ARHGAP28: variants seen among roughly 807,000 people sequenced by gnomAD.
ARHGAP28 encodes Rho GTPase activating protein 28.
A neutral mutation model predicts 90.7 loss-of-function variants in ARHGAP28; 56 were observed. The ratio of observed to expected loss-of-function variants is 0.62; its 90% CI spans 0.50 to 0.77. The LOEUF (loss-of-function observed/expected upper bound fraction) is 0.77. ARHGAP28 is among the 30% of genes least tolerant of loss of function. The probability of loss-of-function intolerance (pLI) is 0.00; values close to 1 mark genes in which losing one functional copy is unlikely to be tolerated. For missense variants in ARHGAP28, 869 were observed against 900.9 expected (o/e 0.96, Z 0.45); for synonymous variants, 308 against 323.3 (o/e 0.95, Z 0.51).
chr18:6,750,247 A>G (rs547679771), intron 1 of ARHGAP28, among the ~76,000 whole-genome samples: 2 of 152,322 alleles, frequency 1.3e-5, no homozygotes, highest in Admixed American at 1.3e-4. Context: ...AGATTTAGAA[A>G]CTGAGATACA....
intron 1 of ARHGAP28, among the ~76,000 whole-genome samples, chr18:6,742,169 C>CT (rs554288921): frequency 0.029 from 4,070 of 138,694 alleles, 88 homozygotes; most frequent in Middle Eastern, 0.11. Context: ...TTTTCTTTTT[C>CT]TTTTTTTTTT....
chr18:6,794,494 T>C (rs1034024253), intron 1 of ARHGAP28, among the ~76,000 whole-genome samples: 3 of 152,362 alleles, frequency 2.0e-5, no homozygotes, highest in African/African-American at 7.2e-5. Flanking sequence ...TGCGCATTAC[T>C]GCTCTATCCC....
chr18:6,892,691 C>T (rs948060324), intron 14 of ARHGAP28, among the ~76,000 whole-genome samples: 1 of 152,208 alleles, frequency 6.6e-6, no homozygotes, highest in African/African-American at 2.4e-5. Flanking sequence ...CATGACTTTT[C>T]TCCTGAACTG....
chr18:6,906,099 A>G (rs1384017330), intron 16 of ARHGAP28, among the ~76,000 whole-genome samples: 2 of 152,152 alleles, frequency 1.3e-5, no homozygotes, highest in Non-Finnish European at 2.9e-5. Flanking sequence ...TTGAAAAAGA[A>G]AAATAAAGTA....
intron 1 of ARHGAP28, among the ~76,000 whole-genome samples, chr18:6,780,717 C>T (rs562402341): frequency 3.0e-4 from 45 of 152,166 alleles, no homozygotes; most frequent in African/African-American, 9.2e-4. Flanking sequence ...AGCAAAACCC[C>T]GTCTCTACTA....
chr18:6,774,806 A>G (rs538994961), intron 1 of ARHGAP28, among the ~76,000 whole-genome samples: 1 of 152,166 alleles, frequency 6.6e-6, no homozygotes, highest in Admixed American at 6.5e-5. Context: ...CCCTGGTCCT[A>G]CACCTATGGT....
intron 1 of ARHGAP28, among the ~76,000 whole-genome samples, chr18:6,821,781 C>T (rs985369843): frequency 6.6e-6 from 1 of 152,166 alleles, no homozygotes; most frequent in African/African-American, 2.4e-5. Context: ...TCCTCCCTGT[C>T]CCCAGCAGAG....
intron 1 of ARHGAP28, among the ~76,000 whole-genome samples, chr18:6,760,333 T>G (rs1382628007): frequency 1.3e-5 from 2 of 152,170 alleles, no homozygotes; most frequent in African/African-American, 4.8e-5. Flanking sequence ...CAAGATCCTC[T>G]TATCCTACAA....
At chr18:6,798,921 C>T (rs1370878786) in intron 1 of ARHGAP28, among the ~76,000 whole-genome samples, 1 of 152,174 alleles carries the variant, frequency 6.6e-6, no homozygotes, top group Non-Finnish European at 1.5e-5. Context: ...ATGCTAGACC[C>T]TGTGACAGAC....
chr18:6,781,157 G>A (rs1370630731), intron 1 of ARHGAP28, among the ~76,000 whole-genome samples: 1 of 152,128 alleles, frequency 6.6e-6, no homozygotes, highest in Non-Finnish European at 1.5e-5. Context: ...TTCTATTGCT[G>A]CTGGAAGCCA....
intron 2 of ARHGAP28, 82 bp downstream of exon 2, chr18:6,825,046 A>G (rs2056652541): frequency 1.6e-6 from 2 of 1,219,956 alleles, no homozygotes; most frequent in Non-Finnish European, 2.2e-6. Context: ...GGCAGAAATC[A>G]TCCCACCAAT....
At chr18:6,733,973 C>T (rs2055904965) in intron 1 of ARHGAP28, among the ~76,000 whole-genome samples, 4 of 152,140 alleles carry the variant, frequency 2.6e-5, no homozygotes, top group Admixed American at 2.6e-4. Flanking sequence ...CAGTGCATTT[C>T]TAGATCATGG....
chr18:6,839,448 C>T (rs755298915), intron 3 of ARHGAP28, among the ~76,000 whole-genome samples: 161 of 152,120 alleles, frequency 1.1e-3, no homozygotes, highest in Non-Finnish European at 9.4e-4. Context: ...CGCCAGCCAC[C>T]ACGCCTGGCT....
intron 2 of ARHGAP28, among the ~76,000 whole-genome samples, chr18:6,827,214 G>A (rs1040798239): frequency 6.6e-5 from 10 of 152,130 alleles, no homozygotes; most frequent in African/African-American, 2.2e-4. Flanking sequence ...ACACCTCCCA[G>A]ACAGGGTGGT....
intron 3 of ARHGAP28, among the ~76,000 whole-genome samples, chr18:6,839,163 A>C (rs549284283): frequency 1.3e-5 from 2 of 152,200 alleles, no homozygotes; most frequent in African/African-American, 4.8e-5. Flanking sequence ...AGGACAAGTA[A>C]CGTGTCTTGT....
intron 1 of ARHGAP28, among the ~76,000 whole-genome samples, chr18:6,784,132 G>A (rs1567946343): frequency 6.6e-6 from 1 of 152,044 alleles, no homozygotes; most frequent in African/African-American, 2.4e-5. Context: ...TGGAGATCCC[G>A]GGAGCCCAGT....
chr18:6,755,229 C>T (rs2056100136), intron 1 of ARHGAP28, among the ~76,000 whole-genome samples: 1 of 152,058 alleles, frequency 6.6e-6, no homozygotes, highest in Non-Finnish European at 1.5e-5. Flanking sequence ...TGGAAAAAGC[C>T]TAGATCTCCT....
intron 16 of ARHGAP28, among the ~76,000 whole-genome samples, chr18:6,904,098 T>C (rs1332131497): frequency 6.6e-6 from 1 of 151,936 alleles, no homozygotes; most frequent in Non-Finnish European, 1.5e-5. Context: ...CTGTAACATA[T>C]AAAATTATGT....
chr18:6,818,762 G>A (rs923214206), intron 1 of ARHGAP28, among the ~76,000 whole-genome samples: 2 of 152,196 alleles, frequency 1.3e-5, no homozygotes, highest in African/African-American at 4.8e-5. Context: ...AATTTCCTAA[G>A]GGAAGAAAGA....
Sources: allele counts gnomAD v4.1 joint callset (sites outside exome capture counted in the v4.1 genomes callset), GRCh38; gene constraint gnomAD v4.1.1; transcripts MANE v1.5; gene names NCBI Gene and HGNC (gene_info 2026-07-23, HGNC 2026-07-21).